Variants in CYB5B observed in about 807,000 individuals in gnomAD.
CYB5B encodes the protein cytochrome b5 type B.
A neutral mutation model predicts 21.3 loss-of-function variants in CYB5B; 14 were observed. The observed-to-expected ratio is 0.66, with a 90% CI of 0.43 to 1.03. CYB5B has a LOEUF of 1.03. Ranked by LOEUF, CYB5B falls within the 50% of genes least tolerant of loss-of-function variation. CYB5B has a pLI of 0.00. For synonymous variants in CYB5B, 69 were observed against 68.4 expected, an observed-to-expected ratio of 1.01 and a Z score of -0.04; for missense variants, 166 against 185.1, an observed-to-expected ratio of 0.90 and a Z score of 0.60.
chr16:69,446,793 A>G (rs895636484), intron 1 of CYB5B, among the ~76,000 whole-genome samples: 3 of 152,336 alleles, frequency 2.0e-5, no homozygotes, highest in East Asian at 1.9e-4. Context: ...CCCAGTTGTC[A>G]TGAATCTCTA....
In CYB5B at chr16:69,455,511, G is replaced by A. The variant is rs559353946; in HGVS notation, c.334-3582G>A. Among the ~76,000 whole-genome samples, 21 of 150,602 alleles carry A rather than the reference G, an allele frequency of 1.4e-4. No homozygotes were observed. The East Asian group carries it at 2.8e-3, about 20-fold the overall frequency. The stretch of plus-strand genomic sequence containing the variant: ...CAACCTCTGCCTCCCGGGTTCAAGC[G>A]ATTCTTCTGCCTCAGCCTCCTGAGT... On this transcript the variant is annotated intron_variant, in intron 3 of 4. Transcript: ENST00000307892.
At position 69,463,638 on chromosome 16, in the gene CYB5B, GC is replaced by G. The variant is rs1363925925; in HGVS notation, c.*1120del. Reference sequence around the variant, plus strand: ...TCCAAAAGTAAGAGACTCCAGCATGGCCTTCTGTTTGCCCCGCAGTAAAGTA... The same window carrying G: ...TCCAAAAGTAAGAGACTCCAGCATGGCTTCTGTTTGCCCCGCAGTAAAGTA... On this transcript the variant is annotated 3_prime_UTR_variant, in exon 5 of 5. Coordinates refer to ENST00000307892, the MANE Select transcript of CYB5B (RefSeq NM_030579.3). 1 of 152,114 alleles carries G rather than the reference GC, an allele frequency of 6.6e-6. No homozygotes were observed. The highest frequency in any genetic ancestry group is 6.6e-5 in the Admixed American group (1 of 15,262). The allele number at this position is 152,114 out of a possible 1,614,324, so 9.4% of individuals were successfully genotyped here.
At chr16:69,448,023 A>G in intron 2 of CYB5B, 92 bp from the exon 3 acceptor site, 1 of 1,330,006 alleles carries the variant, frequency 7.5e-7, no homozygotes, top group Non-Finnish European at 1.1e-6. Context: ...TCACCAGAAT[A>G]TAGTCTCATG....
At chr16:69,455,352 C>T (rs990411189) in intron 3 of CYB5B, among the ~76,000 whole-genome samples, 1 of 151,970 alleles carries the variant, frequency 6.6e-6, no homozygotes, top group Non-Finnish European at 1.5e-5. Flanking sequence ...CATTGACCCC[C>T]ACATCCTTTC....
At chr16:69,445,730 G>A (rs879901396) in intron 1 of CYB5B, among the ~76,000 whole-genome samples, 4 of 152,096 alleles carry the variant, frequency 2.6e-5, no homozygotes, top group African/African-American at 7.2e-5. Flanking sequence ...TTGGGAGGCC[G>A]AGGCTGGTGG....
At chr16:69,432,301 T>G in intron 1 of CYB5B, among the ~76,000 whole-genome samples, 1 of 152,206 alleles carries the variant, frequency 6.6e-6, no homozygotes, top group East Asian at 1.9e-4. Flanking sequence ...GAAAGTGATA[T>G]GTGAGTACTC....
At chr16:69,437,749 A>G (rs1336431126) in intron 1 of CYB5B, among the ~76,000 whole-genome samples, 1 of 152,144 alleles carries the variant, frequency 6.6e-6, no homozygotes, top group Admixed American at 6.6e-5. Context: ...CAGAAACTCT[A>G]ACCATCAAGC....
At chr16:69,445,881 G>A (rs1292264229) in intron 1 of CYB5B, among the ~76,000 whole-genome samples, 1 of 152,116 alleles carries the variant, frequency 6.6e-6, no homozygotes, top group African/African-American at 2.4e-5. Flanking sequence ...GCTTGAACCC[G>A]GGTGGCAGAG....
At chr16:69,429,251 A>C (rs558568962) in intron 1 of CYB5B, among the ~76,000 whole-genome samples, 2 of 152,228 alleles carry the variant, frequency 1.3e-5, no homozygotes, top group South Asian at 4.2e-4. Context: ...ATTTATTGTG[A>C]AGAGTGAAAG....
chr16:69,449,400 A>T (rs1567473906), intron 3 of CYB5B: 1 of 152,192 alleles, frequency 6.6e-6, no homozygotes, highest in Admixed American at 6.5e-5. Context: ...TATATTGAAC[A>T]TGTCCAGAAA....
intron 1 of CYB5B, among the ~76,000 whole-genome samples, chr16:69,441,496 T>C (rs1230817018): frequency 6.6e-6 from 1 of 152,200 alleles, no homozygotes; most frequent in Non-Finnish European, 1.5e-5. Context: ...AGCGAGATGG[T>C]TTAATTTGTA....
At chr16:69,446,194 T>C (rs2014876644) in intron 1 of CYB5B, among the ~76,000 whole-genome samples, 1 of 152,234 alleles carries the variant, frequency 6.6e-6, no homozygotes, top group South Asian at 2.1e-4. Context: ...ACAGGTACTC[T>C]TATTAATATT....
chr16:69,426,398 C>CAA (rs72024712), intron 1 of CYB5B, among the ~76,000 whole-genome samples: 10 of 80,518 alleles, frequency 1.2e-4, no homozygotes, highest in African/African-American at 3.5e-4. Flanking sequence ...GATTCCATCT[C>CAA]AAAAAAAAAA....
chr16:69,465,037 C>A lies in CYB5B; in HGVS notation c.*2517C>A, dbSNP rs2015074909. The stretch of plus-strand genomic sequence containing the variant: ...CACTAGCCAAATCCATCCAAAAGGA[C>A]CTTTTTTTTAGGAAGTAGACTTGAA... On this transcript the variant is annotated 3_prime_UTR_variant, in exon 5 of 5. Coordinates refer to ENST00000307892, the MANE Select transcript of CYB5B (RefSeq NM_030579.3). 6.6e-6 allele frequency: 1 copy of A among 152,204 alleles called. No individual in the cohort carries two copies. The highest frequency in any genetic ancestry group is 1.5e-5 in the Non-Finnish European group (1 of 68,054). The allele number at this position is 152,204 out of a possible 1,614,324, so 9.4% of individuals were successfully genotyped here. A position where few individuals can be genotyped will look rare whatever the true frequency, so the allele number is the denominator to read the frequency against.
At chr16:69,456,320 T>C (rs1430164706) in intron 3 of CYB5B, among the ~76,000 whole-genome samples, 1 of 152,140 alleles carries the variant, frequency 6.6e-6, no homozygotes, top group Admixed American at 6.5e-5. Flanking sequence ...TTATTTATTT[T>C]AGTGGGGAAT....
At chr16:69,452,881 C>T (rs956860610) in intron 3 of CYB5B, among the ~76,000 whole-genome samples, 7 of 151,766 alleles carry the variant, frequency 4.6e-5, no homozygotes, top group South Asian at 4.2e-4. Flanking sequence ...CACCTGTCGT[C>T]GCAGCTACTC....
chr16:69,446,768 G>A (rs2014882185), intron 1 of CYB5B, among the ~76,000 whole-genome samples: 1 of 152,114 alleles, frequency 6.6e-6, no homozygotes. Flanking sequence ...AACCAACCTA[G>A]GATCACCCAT....
intron 1 of CYB5B, among the ~76,000 whole-genome samples, chr16:69,446,896 G>T (rs2014883967): frequency 6.6e-6 from 1 of 152,170 alleles, no homozygotes; most frequent in African/African-American, 2.4e-5. Flanking sequence ...TGTCCAGAAA[G>T]ATTTTGTAGA....
chr16:69,449,533 A>G (rs1489427926), intron 3 of CYB5B: 1 of 152,246 alleles, frequency 6.6e-6, no homozygotes, highest in African/African-American at 2.4e-5. Flanking sequence ...TGCAATTACA[A>G]TGTCTAGAAG....
Sources: allele counts gnomAD v4.1 joint callset (sites outside exome capture counted in the v4.1 genomes callset), GRCh38; gene constraint gnomAD v4.1.1; transcripts MANE v1.5; gene names NCBI Gene and HGNC (gene_info 2026-07-23, HGNC 2026-07-21).